Variants in C10orf67 observed in about 807,000 individuals in gnomAD.
C10orf67 encodes the protein uncharacterized protein C10orf67, mitochondrial.
C10orf67 carries 60 observed loss-of-function variants against 35.6 expected under a neutral mutation model. That is an observed-to-expected ratio of 1.68 (90% CI 1.37 to 2.09). C10orf67 has a LOEUF of 2.09. C10orf67 is among the 30% of genes most tolerant of loss of function. The pLI is 0.00. For synonymous variants in C10orf67, 167 were observed against 115.8 expected, an observed-to-expected ratio of 1.44 and a Z score of -2.84; for missense variants, 474 against 330.2, an observed-to-expected ratio of 1.44 and a Z score of -3.38.
chr10:23,334,676 G>A (rs1355150533), intron 1 of C10orf67, among the ~76,000 whole-genome samples: 1 of 152,266 alleles, frequency 6.6e-6, no homozygotes, highest in East Asian at 1.9e-4. Flanking sequence ...GATGTCCAGG[G>A]ACGGGTGTAG....
chr10:23,303,579 T>C, intron 4 of C10orf67, 120 bp from the exon 5 acceptor site: 1 of 433,638 alleles, frequency 2.3e-6, no homozygotes, highest in South Asian at 6.5e-5. Context: ...TTTCATCTTT[T>C]AAGCTACTGT....
intron 8 of C10orf67, among the ~76,000 whole-genome samples, chr10:23,281,759 T>C (rs1843373828): frequency 6.6e-6 from 1 of 152,212 alleles, no homozygotes; most frequent in Admixed American, 6.5e-5. Context: ...GCAGAAATTT[T>C]ATACATGGTT....
chr10:23,322,244 T>C (rs1448094833), intron 3 of C10orf67, 150 bp downstream of exon 3: 1 of 703,900 alleles, frequency 1.4e-6, no homozygotes, highest in Non-Finnish European at 2.2e-6. Flanking sequence ...CCCTGACACA[T>C]AGTGAAGCTC....
At chr10:23,271,777 G>A (rs569477854) in intron 8 of C10orf67, among the ~76,000 whole-genome samples, 50 of 152,200 alleles carry the variant, frequency 3.3e-4, no homozygotes, top group Middle Eastern at 3.4e-3. Flanking sequence ...GGTTGTTTTC[G>A]TATTATTACA....
intron 15 of C10orf67, among the ~76,000 whole-genome samples, chr10:23,213,262 C>G (rs1012626195): frequency 6.6e-6 from 1 of 152,104 alleles, no homozygotes; most frequent in African/African-American, 2.4e-5. Flanking sequence ...TTGAGAGGTG[C>G]TCCAGAAGAA....
chr10:23,339,204 T>C (rs181944161), intron 1 of C10orf67, among the ~76,000 whole-genome samples: 10 of 152,216 alleles, frequency 6.6e-5, no homozygotes, highest in Admixed American at 1.3e-4. Context: ...CACTTTGTGA[T>C]CCTTATGCTG....
At chr10:23,238,982 T>C (rs1404671577) in intron 13 of C10orf67, among the ~76,000 whole-genome samples, 1 of 151,968 alleles carries the variant, frequency 6.6e-6, no homozygotes, top group Non-Finnish European at 1.5e-5. Context: ...AAGTGACAAA[T>C]GTTGAAAAAA....
At chr10:23,263,185 G>C (rs1271492673) in intron 10 of C10orf67, among the ~76,000 whole-genome samples, 3 of 152,078 alleles carry the variant, frequency 2.0e-5, no homozygotes, top group Non-Finnish European at 4.4e-5. Context: ...ATCAAGCCAA[G>C]CCAAGGGAAA....
At chr10:23,234,470 A>C (rs897194721) in intron 13 of C10orf67, among the ~76,000 whole-genome samples, 1 of 152,170 alleles carries the variant, frequency 6.6e-6, no homozygotes. Context: ...GGTGAGAGCT[A>C]CATGATGAGA....
chr10:23,275,000 T>C (rs1395178736), intron 8 of C10orf67, among the ~76,000 whole-genome samples: 1 of 152,212 alleles, frequency 6.6e-6, no homozygotes, highest in African/African-American at 2.4e-5. Flanking sequence ...TCGGGGTCCC[T>C]GACTTGCTGC....
chr10:23,334,909 T>G (rs146531399), intron 1 of C10orf67, among the ~76,000 whole-genome samples: 90 of 152,140 alleles, frequency 5.9e-4, no homozygotes, highest in Non-Finnish European at 1.1e-3. Context: ...TGGAAATAGG[T>G]TGGGCGCAGT....
chr10:23,229,910 G>A (rs933366546), intron 13 of C10orf67, among the ~76,000 whole-genome samples: 11 of 152,022 alleles, frequency 7.2e-5, no homozygotes, highest in Non-Finnish European at 1.2e-4. Flanking sequence ...AAATTGAACT[G>A]TAGATTTAAC....
Position 23,280,269 on chromosome 10 carries a change from C to G in C10orf67, c.975+1744G>C, listed in dbSNP as rs987393237. On this transcript the variant is annotated intron_variant, in intron 8 of 15. Transcript: ENST00000636213. ...AAAATAGTAATAGACAAGCATGTAA[C>G]AAAACCCTTCTAGCTAGAAAGTATT... Among the ~76,000 whole-genome samples the G allele has an allele frequency of 2.0e-5, 3 of 152,288 alleles. No individual in the cohort carries two copies. The South Asian group carries it at 6.2e-4, about 32-fold the overall frequency.
intron 10 of C10orf67, among the ~76,000 whole-genome samples, chr10:23,260,625 T>C (rs1842722762): frequency 6.6e-6 from 1 of 152,212 alleles, no homozygotes; most frequent in South Asian, 2.1e-4. Context: ...GCAAGATTCA[T>C]GGACAGATAT....
chr10:23,331,630 G>C (rs962680194), intron 2 of C10orf67, among the ~76,000 whole-genome samples: 4 of 139,614 alleles, frequency 2.9e-5, no homozygotes, highest in Admixed American at 1.4e-4. Context: ...GGGGAGGGGA[G>C]GGGAGAAGGG....
intron 8 of C10orf67, among the ~76,000 whole-genome samples, chr10:23,276,550 G>A (rs1007993168): frequency 2.0e-5 from 3 of 152,016 alleles, no homozygotes; most frequent in African/African-American, 2.4e-5. Flanking sequence ...CACCTTACCC[G>A]AGCTCTCCTC....
At chr10:23,210,945 A>C (rs868767899) in intron 15 of C10orf67, among the ~76,000 whole-genome samples, 1 of 152,232 alleles carries the variant, frequency 6.6e-6, no homozygotes, top group Non-Finnish European at 1.5e-5. Context: ...AACTGAAAAC[A>C]TACTGCCACT....
intron 8 of C10orf67, among the ~76,000 whole-genome samples, chr10:23,278,011 A>C (rs939771182): frequency 6.6e-6 from 1 of 152,136 alleles, no homozygotes; most frequent in African/African-American, 2.4e-5. Context: ...GGTGCTATAC[A>C]TTTTTAAATG....
rs4382803 is a variant in C10orf67, at chr10:23,267,181, A to T, written c.1035+14T>A. 3.0e-5 allele frequency: 21 copies of T among 706,518 alleles called. No homozygotes were observed. Among genetic ancestry groups the T allele is most frequent in the Non-Finnish European group, 5.5e-5 (21 of 382,034 alleles). 43.8% of individuals were successfully genotyped at this position (706,518 alleles called of 1,614,324 possible). A position where few individuals can be genotyped will look rare whatever the true frequency, so the allele number is the denominator to read the frequency against. ...TAAAAGAGAAAGAGAGAGAGAAAAA[A>T]CTTAAATACAAACCTTTACACTTAA... On this transcript the variant is annotated intron_variant, in intron 9 of 15. Transcript: ENST00000636213.
Sources: allele counts gnomAD v4.1 joint callset (sites outside exome capture counted in the v4.1 genomes callset), GRCh38; gene constraint gnomAD v4.1.1; transcripts MANE v1.5; gene names NCBI Gene and HGNC (gene_info 2026-07-23, HGNC 2026-07-21).